Variants in CRLS1 observed in about 807,000 individuals in gnomAD.
CRLS1 encodes the protein cardiolipin synthase 1.
CRLS1 carries 24 observed loss-of-function variants against 37.0 expected under a neutral mutation model. The observed-to-expected ratio is 0.65, with a 90% CI of 0.47 to 0.91. The LOEUF (loss-of-function observed/expected upper bound fraction) is 0.91. Ranked by LOEUF, CRLS1 falls within the 40% of genes least tolerant of loss-of-function variation. The probability of loss-of-function intolerance (pLI) is 0.00; values close to 1 mark genes in which losing one functional copy is unlikely to be tolerated. For missense variants in CRLS1, 373 were observed against 395.8 expected (o/e 0.94, Z 0.49); for synonymous variants, 135 against 159.7 (o/e 0.85, Z 1.17).
chr20:6,021,922 T>C (rs1979313544), intron 3 of CRLS1, among the ~76,000 whole-genome samples: 1 of 152,232 alleles, frequency 6.6e-6, no homozygotes, highest in African/African-American at 2.4e-5. Context: ...ATTCTGGGCA[T>C]GGGAGGCACC....
At chr20:6,013,222 C>CTT (rs10574006) in intron 2 of CRLS1, among the ~76,000 whole-genome samples, 11,662 of 128,884 alleles carry the variant, frequency 0.09, 708 homozygotes, top group Middle Eastern at 0.19. Context: ...TTTGTTTGGC[C>CTT]TTTTTTTTTT....
Position 6,007,991 on chromosome 20 carries a change from A to C in CRLS1, c.306+1439A>C, listed in dbSNP as rs1054266647. Among the ~76,000 whole-genome samples the C allele has an allele frequency of 3.9e-5, 6 of 152,090 alleles. No homozygotes were observed. The East Asian group carries it at 1.2e-3, about 29-fold the overall frequency. The stretch of plus-strand genomic sequence containing the variant: ...TAGCTTTCAATGACAGTATTCTGCC[A>C]CCTGACCCCAGCAATAACTATTTAA... On this transcript the variant is annotated intron_variant, in intron 1 of 6. Transcript: ENST00000378863.
chr20:6,014,590 T>C (rs1978594289), intron 2 of CRLS1, among the ~76,000 whole-genome samples: 4 of 152,302 alleles, frequency 2.6e-5, no homozygotes, highest in Middle Eastern at 6.8e-3. Flanking sequence ...TCAGTCCATT[T>C]TGTGGCCCCA....
chr20:6,038,199 C>T lies in CRLS1; in HGVS notation c.*1041C>T, dbSNP rs550630342. ...CTGACTTTAAAAGACTGTTGCTACACGTACATCATGTTTAGGAGAATGTGG... is the reference window on the plus strand; with the variant it reads ...CTGACTTTAAAAGACTGTTGCTACATGTACATCATGTTTAGGAGAATGTGG... On this transcript the variant is annotated 3_prime_UTR_variant, in exon 7 of 7. Coordinates refer to ENST00000378863, the MANE Select transcript of CRLS1 (RefSeq NM_019095.6). 1.3e-5 allele frequency: 2 copies of T among 152,278 alleles called. No homozygotes were observed. The highest frequency in any genetic ancestry group is 2.1e-4 in the South Asian group (1 of 4,822). The allele number at this position is 152,278 out of a possible 1,614,324, so 9.4% of individuals were successfully genotyped here.
chr20:6,018,544 T>C (rs954990812), intron 3 of CRLS1, among the ~76,000 whole-genome samples: 4 of 152,328 alleles, frequency 2.6e-5, no homozygotes, highest in African/African-American at 9.6e-5. Flanking sequence ...CTATTAAAGA[T>C]GATGTTTGCT....
In CRLS1 at chr20:6,037,862, G is replaced by A. The variant is rs560181880; in HGVS notation, c.*704G>A. ...GTCTATTAGTCTTTGCATCTAAAAGGCAGTGAGTTACGTTCCTGCCTTCCA... is the reference window on the plus strand; with the variant it reads ...GTCTATTAGTCTTTGCATCTAAAAGACAGTGAGTTACGTTCCTGCCTTCCA... On this transcript the variant is annotated 3_prime_UTR_variant, in exon 7 of 7. Coordinates refer to ENST00000378863, the MANE Select transcript of CRLS1 (RefSeq NM_019095.6). 5.3e-5 allele frequency: 8 copies of A among 152,272 alleles called. No individual in the cohort carries two copies. Among genetic ancestry groups the A allele is most frequent in the African/African-American group, 1.9e-4 (8 of 41,568 alleles). 9.4% of individuals were successfully genotyped at this position (152,272 alleles called of 1,614,324 possible).
At position 6,038,011 on chromosome 20, in the gene CRLS1, A is replaced by T. The variant is rs1980695573; in HGVS notation, c.*853A>T. On this transcript the variant is annotated 3_prime_UTR_variant, in exon 7 of 7. Transcript: ENST00000378863. ...ACTTTGGAGACTCTTTCTTTTGTTAAGCAGTTAAAGGAATAAAAGAGCTGG... is the reference window on the plus strand; with the variant it reads ...ACTTTGGAGACTCTTTCTTTTGTTATGCAGTTAAAGGAATAAAAGAGCTGG... 1 of 152,212 alleles carries T rather than the reference A, an allele frequency of 6.6e-6. No homozygotes were observed. The highest frequency in any genetic ancestry group is 6.5e-5 in the Admixed American group (1 of 15,288). The allele number at this position is 152,212 out of a possible 1,614,324, so 9.4% of individuals were successfully genotyped here.
chr20:6,008,984 G>C (rs2090096013), intron 1 of CRLS1, among the ~76,000 whole-genome samples: 2 of 152,222 alleles, frequency 1.3e-5, no homozygotes, highest in South Asian at 4.1e-4. Flanking sequence ...TAAAGGCTTA[G>C]CTTATATGGC....
chr20:6,035,462 C>T (rs1980473752), intron 6 of CRLS1, among the ~76,000 whole-genome samples: 1 of 152,002 alleles, frequency 6.6e-6, no homozygotes, highest in Non-Finnish European at 1.5e-5. Context: ...GATATTTTCC[C>T]TAGTCTTTTC....
At chr20:6,005,951 G>A (rs2090047430), upstream of CRLS1, 1 of 256,170 alleles carries the variant, frequency 3.9e-6, no homozygotes, top group Non-Finnish European at 7.4e-6. Context: ...AGAAGAGAGC[G>A]CCGCGTACCC....
intron 3 of CRLS1, 195 bp downstream of exon 3, chr20:6,015,685 C>T: frequency 3.8e-6 from 2 of 529,918 alleles, no homozygotes; most frequent in African/African-American, 1.9e-5. Context: ...CCTTGTTTTA[C>T]TAGTAAAATC....
At position 6,025,861 on chromosome 20, in the gene CRLS1, G is replaced by C. The variant is rs950678589; in HGVS notation, c.575-5424G>C. On this transcript the variant is annotated intron_variant, in intron 3 of 6. Coordinates refer to ENST00000378863, the MANE Select transcript of CRLS1 (RefSeq NM_019095.6). ...AGCTAGAATTAGAAGTGGAGCCTGAGGATGTGAGTGAATTGCTGCAATCTC... is the reference window on the plus strand; with the variant it reads ...AGCTAGAATTAGAAGTGGAGCCTGACGATGTGAGTGAATTGCTGCAATCTC... 3.9e-5 allele frequency among the ~76,000 whole-genome samples: 6 copies of C among 152,228 alleles called. No homozygotes were observed. The South Asian group carries it at 1.2e-3, about 31-fold the overall frequency.
chr20:6,015,559 C>A (rs1978680934), intron 3 of CRLS1, 69 bp downstream of exon 3: 2 of 1,449,360 alleles, frequency 1.4e-6, no homozygotes, highest in Middle Eastern at 1.7e-4. Flanking sequence ...TAGGATTTCT[C>A]TTGAGAGACA....
chr20:6,006,474 T>C lies in CRLS1; in HGVS notation c.228T>C (p.Ala76=), dbSNP rs2122890757. Residue 76 remains alanine, a synonymous_variant, in exon 1 of 7, where the codon GCT becomes GCC. Transcript: ENST00000378863. The part of the protein sequence containing the change: ...RNHCSGAGKA[A]PRPAAGAGAA... The stretch of plus-strand genomic sequence containing the variant: ...ACTGTTCGGGCGCGGGGAAGGCGGC[T>C]CCCAGGCCAGCGGCCGGAGCGGGCG... The C allele has an allele frequency of 7.2e-7, 1 of 1,391,364 alleles. No homozygotes were observed. The allele number at this position is 1,391,364 out of a possible 1,614,324, so 86.2% of individuals were successfully genotyped here.
intron 6 of CRLS1, among the ~76,000 whole-genome samples, chr20:6,035,701 A>C (rs1980493842): frequency 6.6e-6 from 1 of 152,160 alleles, no homozygotes; most frequent in Non-Finnish European, 1.5e-5. Context: ...AGCTCACTGT[A>C]ACCTTGAATT....
chr20:6,017,286 CG>C (rs1239696532), intron 3 of CRLS1, among the ~76,000 whole-genome samples: 1 of 152,178 alleles, frequency 6.6e-6, no homozygotes, highest in Admixed American at 6.5e-5. Context: ...CAACTTGCTA[CG>C]GAACAGTCTC....
rs951574657 is a variant in CRLS1, at chr20:6,038,440, G to A, written c.*1282G>A. 6.6e-5 allele frequency: 10 copies of A among 152,328 alleles called. No homozygotes were observed. Among genetic ancestry groups the A allele is most frequent in the African/African-American group, 1.9e-4 (8 of 41,460 alleles). The allele number at this position is 152,328 out of a possible 1,614,324, so 9.4% of individuals were successfully genotyped here. On this transcript the variant is annotated 3_prime_UTR_variant, in exon 7 of 7. Transcript: ENST00000378863. Reference sequence around the variant, plus strand: ...TCTTGGCCAGGCATTCTGCACCAGCGTGTCCCTCTGTGGCTTGCTGGTCCT... The same window carrying A: ...TCTTGGCCAGGCATTCTGCACCAGCATGTCCCTCTGTGGCTTGCTGGTCCT...
At chr20:6,015,295 C>A in intron 2 of CRLS1, 66 bp from the exon 3 acceptor site, 1 of 1,060,412 alleles carries the variant, frequency 9.4e-7, no homozygotes, top group Non-Finnish European at 1.4e-6. Context: ...ATATCTTAAG[C>A]TTCAGAATAT....
chr20:6,019,011 T>A (rs1303627895), intron 3 of CRLS1, among the ~76,000 whole-genome samples: 3 of 152,204 alleles, frequency 2.0e-5, no homozygotes, highest in Non-Finnish European at 4.4e-5. Flanking sequence ...TATATTCTTG[T>A]TAGGTTTTCA....
Sources: allele counts gnomAD v4.1 joint callset (sites outside exome capture counted in the v4.1 genomes callset), GRCh38; gene constraint gnomAD v4.1.1; transcripts MANE v1.5; gene names NCBI Gene and HGNC (gene_info 2026-07-23, HGNC 2026-07-21).